Variants in FBXW7 observed in about 807,000 individuals in gnomAD.
The protein encoded by FBXW7 is F-box and WD repeat domain containing 7, also known as F-box/WD repeat-containing protein 7.
A neutral mutation model predicts 86.3 loss-of-function variants in FBXW7; 11 were observed. The observed-to-expected ratio is 0.13, with a 90% CI of 0.08 to 0.21. The LOEUF (loss-of-function observed/expected upper bound fraction) is 0.21, where lower values mean the gene tolerates loss of function less well. Among genes scored for constraint, FBXW7 ranks in the 10% least tolerant of loss-of-function variants. FBXW7 has a pLI of 1.00. For missense variants in FBXW7, 488 were observed against 847.4 expected (o/e 0.58, Z 5.27); for synonymous variants, 313 against 297.9 (o/e 1.05, Z -0.52).
chr4:152,487,117 T>C (rs533905104), intron 2 of FBXW7, among the ~76,000 whole-genome samples: 1 of 152,192 alleles, frequency 6.6e-6, no homozygotes, highest in Non-Finnish European at 1.5e-5. Flanking sequence ...AGCTAATAAA[T>C]GTGGAAAGAA....
chr4:152,353,623 A>C (rs1329775000), intron 4 of FBXW7, among the ~76,000 whole-genome samples: 1 of 152,142 alleles, frequency 6.6e-6, no homozygotes, highest in African/African-American at 2.4e-5. Context: ...TGCTAATTTA[A>C]TCTGGAGTAA....
Position 152,491,835 on chromosome 4 carries a change from C to T in FBXW7, c.-120+43106G>A, listed in dbSNP as rs546813366. ...CGTTCTGCAATTCTTCTTTCATCTA[C>T]ACCTCCCACTCCCTGTCACCTAACT... On this transcript the variant is annotated intron_variant, in intron 2 of 13. Coordinates refer to ENST00000281708, the MANE Select transcript of FBXW7 (RefSeq NM_001349798.2). Among the ~76,000 whole-genome samples the T allele has an allele frequency of 3.9e-5, 6 of 152,290 alleles. 1 individual carries two copies. The South Asian group carries it at 1.2e-3, about 32-fold the overall frequency.
intron 4 of FBXW7, among the ~76,000 whole-genome samples, chr4:152,353,281 A>G (rs1216608502): frequency 6.6e-6 from 1 of 152,168 alleles, no homozygotes; most frequent in Non-Finnish European, 1.5e-5. Context: ...CCGAAAAGAG[A>G]AATTAATATA....
intron 2 of FBXW7, chr4:152,530,641 T>A (rs561198540): frequency 5.3e-5 from 8 of 152,354 alleles, no homozygotes; most frequent in African/African-American, 1.4e-4. Flanking sequence ...TGCAGAATCA[T>A]TTTAAATGAA....
At chr4:152,534,548 G>A (rs1750315160) in intron 2 of FBXW7, among the ~76,000 whole-genome samples, 1 of 152,000 alleles carries the variant, frequency 6.6e-6, no homozygotes. Flanking sequence ...GTTCTCATTC[G>A]GGAACCTATA....
chr4:152,452,084 C>T (rs1560914471), intron 2 of FBXW7, among the ~76,000 whole-genome samples: 1 of 152,106 alleles, frequency 6.6e-6, no homozygotes, highest in Admixed American at 6.5e-5. Context: ...AAACTGAATG[C>T]AAAAGCAGAT....
chr4:152,489,522 CACTT>C (rs1745648580), intron 2 of FBXW7: 1 of 152,520 alleles, frequency 6.6e-6, no homozygotes, highest in African/African-American at 2.4e-5. Context: ...AACTAACTGT[CACTT>C]AAAGAGAAAA....
chr4:152,324,243 G>C lies in FBXW7; in HGVS notation c.1796C>G (p.Ala599Gly), dbSNP rs766088325. 1 of 1,612,922 alleles carries C rather than the reference G, an allele frequency of 6.2e-7. No homozygotes were observed. Residue 599 changes from alanine to glycine, a missense_variant, in exon 13 of 14, where the codon GCA (alanine) becomes GGA (glycine). Ala to Gly is a moderately conservative substitution (Grantham distance 60, BLOSUM62 0). Transcript: ENST00000281708. The stretch of plus-strand genomic sequence containing the variant: ...ATCCCAGATTTTAACTGTAGAATCT[G>C]CATTCCCAGAGACAAGAATATTGTC... ...LKDNILVSGNADSTVKIWDIK... is the reference protein window; with the variant it reads ...LKDNILVSGNGDSTVKIWDIK...
intron 2 of FBXW7, among the ~76,000 whole-genome samples, chr4:152,416,950 C>G (rs1738491120): frequency 6.6e-6 from 1 of 152,118 alleles, no homozygotes; most frequent in Admixed American, 6.6e-5. Flanking sequence ...GACTCTTTTG[C>G]CATTTTTGTA....
At chr4:152,415,388 CA>C (rs1389249222) in intron 2 of FBXW7, among the ~76,000 whole-genome samples, 1 of 152,016 alleles carries the variant, frequency 6.6e-6, no homozygotes, top group Non-Finnish European at 1.5e-5. Context: ...AGCTTTAGGA[CA>C]AAGATAACAA....
At chr4:152,419,148 C>G (rs1184196147) in intron 2 of FBXW7, among the ~76,000 whole-genome samples, 3 of 152,006 alleles carry the variant, frequency 2.0e-5, no homozygotes, top group African/African-American at 7.2e-5. Context: ...CTATTCAACA[C>G]TGTCAATTAA....
intron 2 of FBXW7, among the ~76,000 whole-genome samples, chr4:152,531,021 G>A (rs1291596861): frequency 1.3e-5 from 2 of 152,160 alleles, no homozygotes; most frequent in Non-Finnish European, 2.9e-5. Flanking sequence ...AATGAAATGA[G>A]CCTATGCATG....
chr4:152,366,152 T>C (rs1006811206), intron 4 of FBXW7, among the ~76,000 whole-genome samples: 10 of 152,312 alleles, frequency 6.6e-5, no homozygotes, highest in African/African-American at 1.9e-4. Context: ...TTTATCATTT[T>C]ATAATTATAC....
At chr4:152,505,983 C>T (rs534438324) in intron 2 of FBXW7, among the ~76,000 whole-genome samples, 151 of 152,018 alleles carry the variant, frequency 9.9e-4, no homozygotes, top group Non-Finnish European at 1.7e-3. Context: ...TCAAGCAATT[C>T]GTCCGCCTCG....
At chr4:152,519,975 T>A (rs1198977142) in intron 2 of FBXW7, among the ~76,000 whole-genome samples, 1 of 152,224 alleles carries the variant, frequency 6.6e-6, no homozygotes, top group Non-Finnish European at 1.5e-5. Context: ...AGGACTAAGT[T>A]AAATAACGGT....
chr4:152,453,949 T>A (rs1742158170), intron 2 of FBXW7, among the ~76,000 whole-genome samples: 1 of 152,168 alleles, frequency 6.6e-6, no homozygotes, highest in South Asian at 2.1e-4. Flanking sequence ...TATTCATTTT[T>A]TCCAAGGTAT....
chr4:152,443,401 A>C (rs1741083775), intron 2 of FBXW7, among the ~76,000 whole-genome samples: 1 of 152,102 alleles, frequency 6.6e-6, no homozygotes, highest in African/African-American at 2.4e-5. Context: ...AAGTGGGAGA[A>C]ACATTTTCCT....
rs1731827965 is a variant in FBXW7, at chr4:152,351,627, T to C, written c.502-1503A>G. Among the ~76,000 whole-genome samples, 3 of 152,150 alleles carry C rather than the reference T, an allele frequency of 2.0e-5. No individual in the cohort carries two copies. In the South Asian group the frequency reaches 6.2e-4, roughly 32 times the overall value. Reference sequence around the variant, plus strand: ...ATATATATATAAACATACATGCAAATGAATCCATCAGGAAGGTCAGTCAGT... The same window carrying C: ...ATATATATATAAACATACATGCAAACGAATCCATCAGGAAGGTCAGTCAGT... On this transcript the variant is annotated intron_variant, in intron 4 of 13. Transcript: ENST00000281708.
chr4:152,532,420 G>A (rs1253915524), intron 2 of FBXW7, among the ~76,000 whole-genome samples: 1 of 152,176 alleles, frequency 6.6e-6, no homozygotes, highest in Non-Finnish European at 1.5e-5. Flanking sequence ...ATTACTCTCA[G>A]GAACACTCTT....
Sources: gnomAD v4.1 joint callset for allele counts (sites outside exome capture counted in the v4.1 genomes callset) on GRCh38, gnomAD v4.1.1 for gene constraint, MANE v1.5 for transcripts, NCBI Gene and HGNC (gene_info 2026-07-23, HGNC 2026-07-21) for gene names.